Variants in ADGRF5 observed in about 807,000 individuals in gnomAD.
The protein encoded by ADGRF5 is G-protein coupled receptor 116.
A neutral mutation model predicts 132.3 loss-of-function variants in ADGRF5; 75 were observed. That is an observed-to-expected ratio of 0.57 (90% CI 0.47 to 0.69). The LOEUF is 0.69. Ranked by LOEUF, ADGRF5 falls within the 30% of genes least tolerant of loss-of-function variation. The probability of loss-of-function intolerance (pLI) is 0.00; values close to 1 mark genes in which losing one functional copy is unlikely to be tolerated. For synonymous variants in ADGRF5, 629 were observed against 597.6 expected, an observed-to-expected ratio of 1.05 and a Z score of -0.77; for missense variants, 1,516 against 1,630.6, an observed-to-expected ratio of 0.93 and a Z score of 1.21.
intron 4 of ADGRF5, among the ~76,000 whole-genome samples, chr6:46,887,336 A>G (rs1773159356): frequency 6.6e-6 from 1 of 152,162 alleles, no homozygotes. Flanking sequence ...TTTCTTATGT[A>G]TTTTCCAAAG....
Position 46,888,255 on chromosome 6 carries a change from T to C in ADGRF5, c.328+80A>G, listed in dbSNP as rs144152780. 455 of 990,500 alleles carry C rather than the reference T, an allele frequency of 4.6e-4. 2 individuals carry two copies. The highest frequency in any genetic ancestry group is 8.8e-4 in the Admixed American group (44 of 50,052). 61.4% of individuals were successfully genotyped at this position (990,500 alleles called of 1,614,324 possible). On this transcript the variant is annotated intron_variant, in intron 4 of 20. Coordinates refer to ENST00000283296, the MANE Select transcript of ADGRF5 (RefSeq NM_001098518.2). The stretch of plus-strand genomic sequence containing the variant: ...TTCACTTGCCTACTAAGTAAAAGAT[T>C]GCTCTGATACTCAGGAGCTCAGACA...
chr6:46,867,794 TGC>T (rs35004467), intron 12 of ADGRF5, among the ~76,000 whole-genome samples: 126,939 of 152,104 alleles, frequency 0.83, 54,823 homozygotes, highest in East Asian at 0.99. Flanking sequence ...TAATTCCTGC[TGC>T]GGGGGGGAAG....
chr6:46,931,626 G>T (rs927260347), intron 1 of ADGRF5, among the ~76,000 whole-genome samples: 2 of 152,208 alleles, frequency 1.3e-5, no homozygotes, highest in African/African-American at 4.8e-5. Flanking sequence ...CTAAGGCTTG[G>T]CCCAGGGGCC....
chr6:46,855,481 A>C (rs1219493353), intron 20 of ADGRF5, among the ~76,000 whole-genome samples: 1 of 152,242 alleles, frequency 6.6e-6, no homozygotes, highest in Non-Finnish European at 1.5e-5. Flanking sequence ...ATGCATGCAC[A>C]GTTCTATACG....
At chr6:46,944,413 G>A (rs1037716950) in intron 1 of ADGRF5, among the ~76,000 whole-genome samples, 1 of 152,208 alleles carries the variant, frequency 6.6e-6, no homozygotes, top group Admixed American at 6.5e-5. Context: ...CTAGTCCATG[G>A]CCCACAAGGT....
chr6:46,931,843 C>T (rs1341759626), intron 1 of ADGRF5, among the ~76,000 whole-genome samples: 1 of 152,188 alleles, frequency 6.6e-6, no homozygotes, highest in Non-Finnish European at 1.5e-5. Context: ...TCGCTTGAAC[C>T]TGGGAGGCAG....
chr6:46,898,656 C>T (rs552615348), intron 3 of ADGRF5, among the ~76,000 whole-genome samples: 22 of 152,136 alleles, frequency 1.4e-4, no homozygotes, highest in African/African-American at 4.8e-4. Context: ...TCATTTCAAG[C>T]GCTGGACAAC....
At chr6:46,922,100 C>G (rs1257980986), upstream of ADGRF5, 1 of 152,218 alleles carries the variant, frequency 6.6e-6, no homozygotes, top group Non-Finnish European at 1.5e-5. Context: ...GGCCAATGCC[C>G]CTAGTTCTCA....
At chr6:46,939,091 G>T (rs1228931824) in intron 1 of ADGRF5, among the ~76,000 whole-genome samples, 1 of 152,096 alleles carries the variant, frequency 6.6e-6, no homozygotes, top group Non-Finnish European at 1.5e-5. Context: ...GGATGGTCTC[G>T]ATCTCTTGAC....
At chr6:46,932,388 A>AT (rs1355306070) in intron 1 of ADGRF5, among the ~76,000 whole-genome samples, 1 of 152,172 alleles carries the variant, frequency 6.6e-6, no homozygotes, top group Non-Finnish European at 1.5e-5. Context: ...TCAAGGACAG[A>AT]TTTTACCTCT....
At chr6:46,909,870 T>C (rs1193979232) in intron 1 of ADGRF5, among the ~76,000 whole-genome samples, 1 of 151,812 alleles carries the variant, frequency 6.6e-6, no homozygotes, top group African/African-American at 2.4e-5. Flanking sequence ...TGCACTGGCA[T>C]GCACCCATAA....
At chr6:46,882,178 G>A (rs1772552023) in intron 6 of ADGRF5, 71 bp from the exon 7 acceptor site, 8 of 1,018,714 alleles carry the variant, frequency 7.9e-6, no homozygotes, top group South Asian at 7.6e-5. Context: ...ATCTGAAGCA[G>A]AGTAAAAACC....
intron 1 of ADGRF5, among the ~76,000 whole-genome samples, chr6:46,915,017 G>A (rs927521310): frequency 6.6e-6 from 1 of 151,634 alleles, no homozygotes; most frequent in Non-Finnish European, 1.5e-5. Flanking sequence ...CACCATGCCC[G>A]GCTGATTTTT....
At position 46,856,773 on chromosome 6, in the gene ADGRF5, T is replaced by C. The variant is rs1769098623; in HGVS notation, c.3821A>G (p.Gln1274Arg). Reference sequence around the variant, plus strand: ...TGAAAACTTATTCAGCAAAGCTTCCTGTACCTGCATTGTTAAAAAGAAGCT... The same window carrying C: ...TGAAAACTTATTCAGCAAAGCTTCCCGTACCTGCATTGTTAAAAAGAAGCT... ...LFGCLWDLKV[Q>R]EALLNKFSLS... Residue 1274 changes from glutamine to arginine, a missense_variant, in exon 19 of 21, where the codon CAG (glutamine) becomes CGG (arginine). Physicochemically the swap from Gln to Arg is conservative, Grantham distance 43 (BLOSUM62 1). This residue lies in a region of ADGRF5 where 571 missense variants were observed against 701.2 expected (regional missense o/e 0.81). Coordinates refer to ENST00000283296, the MANE Select transcript of ADGRF5 (RefSeq NM_001098518.2). 1.3e-6 allele frequency: 2 copies of C among 1,594,088 alleles called. No individual in the cohort carries two copies. The highest frequency in any genetic ancestry group is 1.7e-6 in the Non-Finnish European group (2 of 1,163,468).
At position 46,884,271 on chromosome 6, in the gene ADGRF5, A is replaced by G. The variant is rs767539105; in HGVS notation, c.329T>C (p.Val110Ala). ...TDILSINVTT[V>A]CRPAGNEIWC... is the part of the protein sequence containing the mutation. ...GATTTCATTTCCAGCAGGTCTGCAG[A>G]CTATCGTTAATCAGAACAGCAAGGA... Residue 110 changes from valine to alanine, a missense_variant and splice_region_variant, in exon 5 of 21, where the codon GTC (valine) becomes GCC (alanine). This residue lies in a region of ADGRF5 where 945 missense variants were observed against 929.4 expected (regional missense o/e 1.02). Coordinates refer to ENST00000283296, the MANE Select transcript of ADGRF5 (RefSeq NM_001098518.2). The G allele has an allele frequency of 6.2e-7, 1 of 1,612,060 alleles. No individual in the cohort carries two copies. Among genetic ancestry groups the G allele is most frequent in the Non-Finnish European group, 8.5e-7 (1 of 1,178,340 alleles).
At chr6:46,864,650 G>A (rs1187669456) in intron 14 of ADGRF5, among the ~76,000 whole-genome samples, 2 of 151,162 alleles carry the variant, frequency 1.3e-5, no homozygotes, top group Non-Finnish European at 2.9e-5. Context: ...TCAGCCTCCC[G>A]AGCAGCTGGG....
chr6:46,859,223 C>A lies in ADGRF5; in HGVS notation c.2680G>T (p.Asp894Tyr). 2 of 1,614,104 alleles carry A rather than the reference C, an allele frequency of 1.2e-6. No homozygotes were observed. Among genetic ancestry groups the A allele is most frequent in the Admixed American group, 1.7e-5 (1 of 60,016 alleles). Residue 894 changes from aspartate to tyrosine, a missense_variant, in exon 17 of 21, where the codon GAT becomes TAT. By Grantham distance (160) the Asp-to-Tyr change is radical. Around this residue, in one of 2 missense-constraint regions of ADGRF5, gnomAD observed 571 missense variants for 701.2 expected, o/e 0.81. Transcript: ENST00000283296. ...DKSYLENLQS[D>Y]SSIVTMAFPT... Reference sequence around the variant, plus strand: ...AAAGCCATGGTGACAATAGACGAATCCGACTGCAAGTTTTCTAGATAGCTC... The same window carrying A: ...AAAGCCATGGTGACAATAGACGAATACGACTGCAAGTTTTCTAGATAGCTC...
At chr6:46,945,003 A>G (rs1778248823) in intron 1 of ADGRF5, among the ~76,000 whole-genome samples, 1 of 152,210 alleles carries the variant, frequency 6.6e-6, no homozygotes, top group Non-Finnish European at 1.5e-5. Flanking sequence ...AGAAGAGTAG[A>G]CAAGTTCTGC....
At chr6:46,863,376 C>G in intron 14 of ADGRF5, 1 of 506,192 alleles carries the variant, frequency 2.0e-6, no homozygotes, top group South Asian at 1.6e-5. Context: ...TTAGAATCAT[C>G]TGGGAAGCTT....
Sources: allele counts gnomAD v4.1 joint callset (sites outside exome capture counted in the v4.1 genomes callset), GRCh38; gene constraint gnomAD v4.1.1; regional missense constraint gnomAD v4.1.1; transcripts MANE v1.5; gene names NCBI Gene and HGNC (gene_info 2026-07-23, HGNC 2026-07-21).